Variants in TERT observed in about 807,000 individuals in gnomAD.
The protein encoded by TERT is telomerase reverse transcriptase.
In TERT, 42 loss-of-function variants were observed where a neutral mutation model predicts 104.0. That is an observed-to-expected ratio of 0.40 (90% CI 0.32 to 0.52). TERT has a LOEUF of 0.52. TERT is among the 20% of genes least tolerant of loss of function. TERT has a pLI of 0.43. For missense variants in TERT, 1,101 were observed against 1,610.3 expected (o/e 0.68, Z 5.41); for synonymous variants, 781 against 725.6 (o/e 1.08, Z -1.23).
intron 6 of TERT, among the ~76,000 whole-genome samples, chr5:1,275,818 C>T (rs62332562): frequency 2.7e-5 from 3 of 112,066 alleles, no homozygotes; most frequent in Admixed American, 8.5e-5. Context: ...TCCCCACCTA[C>T]CCCACACATG....
At chr5:1,291,125 C>G (rs866176729) in intron 2 of TERT, among the ~76,000 whole-genome samples, 8 of 137,966 alleles carry the variant, frequency 5.8e-5, no homozygotes, top group East Asian at 2.2e-4. Context: ...CTGCACGTGA[C>G]AGGGACACCC....
At chr5:1,271,764 G>A (rs35082205) in intron 7 of TERT, among the ~76,000 whole-genome samples, 3,857 of 152,244 alleles carry the variant, frequency 0.025, 147 homozygotes, top group African/African-American at 0.087. Flanking sequence ...AACACGGCCC[G>A]TCCTCCTAAG....
In TERT at chr5:1,274,290, GGCAACAC is replaced by G. The variant is rs892070726; in HGVS notation, c.2287-2017_2287-2011del. Among the ~76,000 whole-genome samples the G allele has an allele frequency of 6.6e-6, 1 of 152,192 alleles. No individual in the cohort carries two copies. The highest frequency in any genetic ancestry group is 2.4e-5 in the African/African-American group (1 of 41,440). ...CTGCACCCTTCCCAACCCAGGAGCA[GGCAACAC>G]GCCCACAAATAGCCCATGGGTCTGA... is the stretch of plus-strand genomic sequence containing the variant. On this transcript the variant is annotated intron_variant, in intron 6 of 15. Coordinates refer to ENST00000310581, the MANE Select transcript of TERT (RefSeq NM_198253.3). The surrounding 1 kb of genome is among the most constrained non-coding windows in gnomAD (Gnocchi z 5.3).
intron 11 of TERT, 38 bp downstream of exon 11, chr5:1,264,366 G>C: frequency 6.3e-7 from 1 of 1,583,482 alleles, no homozygotes; most frequent in Non-Finnish European, 8.6e-7. Context: ...ACCTGCCCCA[G>C]CCGGGCACAG....
In TERT at chr5:1,283,962, C is replaced by T. The variant is rs530443350; in HGVS notation, c.1574-1338G>A. On this transcript the variant is annotated intron_variant, in intron 2 of 15. Transcript: ENST00000310581. ...ACCAGCTCACCGCAGGGCCTGGTGACCTCACCCCAGACCTGCACCATCCGG... is the reference window on the plus strand; with the variant it reads ...ACCAGCTCACCGCAGGGCCTGGTGATCTCACCCCAGACCTGCACCATCCGG... Among the ~76,000 whole-genome samples, 54 of 148,638 alleles carry T rather than the reference C, an allele frequency of 3.6e-4. 3 individuals carry two copies. In the East Asian group the frequency reaches 9.8e-3, roughly 27 times the overall value.
rs373436279 is a variant in TERT, at chr5:1,283,356, C to T, written c.1574-732G>A. Among the ~76,000 whole-genome samples, 3 of 135,640 alleles carry T rather than the reference C, an allele frequency of 2.2e-5. No homozygotes were observed. In the East Asian group the frequency reaches 7.3e-4, roughly 33 times the overall value. 89.0% of individuals were successfully genotyped at this position (135,640 alleles called of 152,430 possible). ...ACTGCAGGGCCTGGCGACCTCACCC[C>T]GGACCTGCACCATCTGGATACAGCA... On this transcript the variant is annotated intron_variant, in intron 2 of 15. Transcript: ENST00000310581.
At chr5:1,253,869 C>CA (rs1747521791) in intron 15 of TERT, 38 bp from the exon 16 acceptor site, 26 of 1,579,446 alleles carry the variant, frequency 1.6e-5, no homozygotes, top group Non-Finnish European at 2.2e-5. Flanking sequence ...CAGAAGAGGC[C>CA]AGAGGTGGCA....
In TERT at chr5:1,278,671, A is replaced by G. The variant is rs745650751; in HGVS notation, c.2256T>C (p.His752=). Reference sequence around the variant, plus strand: ...TCTTGAAGGCCTTGCGGACGTGCCCATGGGCGGCCTTCTGGACCACGGCAT... The same window carrying G: ...TCTTGAAGGCCTTGCGGACGTGCCCGTGGGCGGCCTTCTGGACCACGGCAT... ...RRYAVVQKAA[H]GHVRKAFKSH... is the part of the protein sequence containing the mutation. The change falls in exon 6 of 16, where the codon CAT becomes CAC. Residue 752 remains histidine, a synonymous_variant. Transcript: ENST00000310581. The G allele has an allele frequency of 1.9e-4, 300 of 1,613,986 alleles. No homozygotes were observed. Among genetic ancestry groups the G allele is most frequent in the Non-Finnish European group, 2.4e-4 (287 of 1,180,026 alleles).
intron 12 of TERT, 124 bp from the exon 13 acceptor site, chr5:1,258,783 C>T: frequency 1.1e-6 from 1 of 898,532 alleles, no homozygotes; most frequent in Non-Finnish European, 1.8e-6. Flanking sequence ...AGAAACTATC[C>T]CTCTTCCCAG....
intron 12 of TERT, among the ~76,000 whole-genome samples, chr5:1,259,333 G>A (rs1748012566): frequency 7.1e-6 from 1 of 141,670 alleles, no homozygotes; most frequent in African/African-American, 2.7e-5. Context: ...GAGAGGGAGT[G>A]GACATGGACG....
rs756624928 is a variant in TERT, at chr5:1,293,991, C to A, written c.895G>T (p.Val299Leu). The A allele has an allele frequency of 6.4e-7, 1 of 1,574,230 alleles. No individual in the cohort carries two copies. The highest frequency in any genetic ancestry group is 8.6e-7 in the Non-Finnish European group (1 of 1,163,140). Residue 299 changes from valine (V) to leucine (L), a missense_variant, in exon 2 of 16, where the codon GTG becomes TTG. Physicochemically the swap from Val to Leu is conservative, Grantham distance 32 (BLOSUM62 1). Transcript: ENST00000310581. The part of the protein sequence containing the change: ...LSGTRHSHPS[V>L]GRQHHAGPPS... The stretch of plus-strand genomic sequence containing the variant: ...GGGCCCGCGTGGTGCTGGCGGCCCA[C>A]GGATGGGTGGGAGTGGCGCGTGCCA...
chr5:1,288,426 G>A lies in TERT; in HGVS notation c.1573+4887C>T, dbSNP rs1274824521. On this transcript the variant is annotated intron_variant, in intron 2 of 15. Transcript: ENST00000310581. The surrounding 1 kb of genome is among the most constrained non-coding windows in gnomAD (Gnocchi z 5.3). ...CTAAGACCCAAGAGGGAAGTCTGAC[G>A]AAGGCTGGCGGAGACACCGGCCCTC... Among the ~76,000 whole-genome samples the A allele has an allele frequency of 2.0e-5, 3 of 152,154 alleles. No individual in the cohort carries two copies. The highest frequency in any genetic ancestry group is 1.9e-4 in the East Asian group (1 of 5,192).
rs758971304 is a variant in TERT, at chr5:1,282,396, G to C, written c.1769+33C>G. ...GGCCGGGCTGGTGTTCCAGGACTTC[G>C]AGAAGCAGAGGCCTGGCGTGGGGAT... On this transcript the variant is annotated intron_variant, in intron 3 of 15. Coordinates refer to ENST00000310581, the MANE Select transcript of TERT (RefSeq NM_198253.3). 2.5e-6 allele frequency: 4 copies of C among 1,610,670 alleles called. No homozygotes were observed. In the East Asian group the frequency reaches 6.7e-5, roughly 27 times the overall value.
rs1174120920 is a variant in TERT at position 1,288,494 on chromosome 5, C to A, written c.1573+4819G>T. Among the ~76,000 whole-genome samples the A allele has an allele frequency of 1.3e-5, 2 of 152,182 alleles. No individual in the cohort carries two copies. The highest frequency in any genetic ancestry group is 2.9e-5 in the Non-Finnish European group (2 of 68,026). On this transcript the variant is annotated intron_variant, in intron 2 of 15. Coordinates refer to ENST00000310581, the MANE Select transcript of TERT (RefSeq NM_198253.3). The surrounding 1 kb of genome is among the most constrained non-coding windows in gnomAD (Gnocchi z 5.3). ...AGGAGACAGACAGAGACACTCCAACCTGTGGCTGGACGTCAATCCATGTGA... is the reference window on the plus strand; with the variant it reads ...AGGAGACAGACAGAGACACTCCAACATGTGGCTGGACGTCAATCCATGTGA...
Position 1,260,515 on chromosome 5 carries a change from C to A in TERT, c.2929G>T (p.Val977Phe), listed in dbSNP as rs1482563385. The change falls in exon 12 of 16, where the codon GTC (valine) becomes TTC (phenylalanine). Residue 977 changes from valine (V) to phenylalanine (F), a missense_variant. Val to Phe is a conservative substitution (Grantham distance 50, BLOSUM62 -1). This residue lies in a region of TERT where 463 missense variants were observed against 797.5 expected (regional missense o/e 0.58). Transcript: ENST00000310581. ...GRNMRRKLFG[V>F]LRLKCHSLFL... ...AGGCTGTGACACTTCAGCCGCAAGA[C>A]CCCAAAGAGTTTGCGACGCATGTTC... The A allele has an allele frequency of 6.2e-7, 1 of 1,614,114 alleles. No individual in the cohort carries two copies. The highest frequency in any genetic ancestry group is 8.5e-7 in the Non-Finnish European group (1 of 1,180,046).
At chr5:1,281,958 G>A (rs746517032) in intron 3 of TERT, among the ~76,000 whole-genome samples, 1 of 152,086 alleles carries the variant, frequency 6.6e-6, no homozygotes, top group Non-Finnish European at 1.5e-5. Flanking sequence ...CGTGGTGGCA[G>A]GTGCCTGTAA....
At position 1,255,430 on chromosome 5, in the gene TERT, G is replaced by A; in HGVS notation, c.3033-19C>T. 6.2e-7 allele frequency: 1 copy of A among 1,613,892 alleles called. No homozygotes were observed. The highest frequency in any genetic ancestry group is 2.2e-5 in the East Asian group (1 of 44,880). ...GTGAAACCTGAGAGGATGGCGGACAGCGTCAGAGGAAAGGCCTCCTAATCA... is the reference window on the plus strand; with the variant it reads ...GTGAAACCTGAGAGGATGGCGGACAACGTCAGAGGAAAGGCCTCCTAATCA... On this transcript the variant is annotated intron_variant, in intron 13 of 15. Coordinates refer to ENST00000310581, the MANE Select transcript of TERT (RefSeq NM_198253.3). The surrounding 1 kb of genome is among the most constrained non-coding windows in gnomAD (Gnocchi z 6.9).
chr5:1,283,886 C>T (rs987978300), intron 2 of TERT, among the ~76,000 whole-genome samples: 1 of 149,730 alleles, frequency 6.7e-6, no homozygotes, highest in African/African-American at 2.5e-5. Flanking sequence ...ATCCAGCTCA[C>T]CGAGGGCCTG....
chr5:1,270,109 C>T lies in TERT; in HGVS notation c.2468+1010G>A, dbSNP rs1252893029. On this transcript the variant is annotated intron_variant, in intron 8 of 15. Transcript: ENST00000310581. This position sits in a 1 kb window ranked among gnomAD's most constrained non-coding sequence, Gnocchi z 8.3. Reference sequence around the variant, plus strand: ...CCTGGGGGCCGCTTACACACATGTGCACACGTGTCCCTCGGCCAAAATTCA... The same window carrying T: ...CCTGGGGGCCGCTTACACACATGTGTACACGTGTCCCTCGGCCAAAATTCA... 6.6e-6 allele frequency among the ~76,000 whole-genome samples: 1 copy of T among 152,190 alleles called. No individual in the cohort carries two copies. The highest frequency in any genetic ancestry group is 1.5e-5 in the Non-Finnish European group (1 of 68,042).
Sources: gnomAD v4.1 joint callset for allele counts (sites outside exome capture counted in the v4.1 genomes callset) on GRCh38, gnomAD v4.1.1 for gene constraint, gnomAD v4.1.1 regional missense constraint, Gnocchi (gnomAD v3.1) non-coding constraint, MANE v1.5 for transcripts, NCBI Gene and HGNC (gene_info 2026-07-23, HGNC 2026-07-21) for gene names.